The following ERP44 variants were observed in gnomAD, a reference collection of about 807,000 sequenced individuals.
ERP44 encodes endoplasmic reticulum protein 44.
Under a neutral mutation model 53.4 loss-of-function variants are expected in ERP44, and 25 were observed. That is an observed-to-expected ratio of 0.47 (90% CI 0.34 to 0.65). ERP44 has a LOEUF of 0.65. ERP44 is among the 30% of genes least tolerant of loss of function. ERP44 has a pLI of 0.01. For missense variants in ERP44, 338 were observed against 493.2 expected (o/e 0.69, Z 2.98); for synonymous variants, 145 against 161.2 (o/e 0.90, Z 0.76).
At chr9:100,087,424 A>T (rs972213015) in intron 1 of ERP44, among the ~76,000 whole-genome samples, 7 of 152,174 alleles carry the variant, frequency 4.6e-5, no homozygotes, top group Non-Finnish European at 8.8e-5. Context: ...TGGACAGACA[A>T]CTTGAAAGTT....
chr9:100,003,324 T>C (rs7020150), intron 10 of ERP44, among the ~76,000 whole-genome samples: 1 of 152,020 alleles, frequency 6.6e-6, no homozygotes, highest in African/African-American at 2.4e-5. Flanking sequence ...TCTGGGAGAT[T>C]ATTGTGCTCT....
intron 1 of ERP44, among the ~76,000 whole-genome samples, chr9:100,061,964 C>G (rs1826155409): frequency 6.6e-6 from 1 of 152,152 alleles, no homozygotes; most frequent in African/African-American, 2.4e-5. Flanking sequence ...CCTTCTCCTG[C>G]CCTTCTTCCC....
At chr9:100,058,249 T>C (rs1217593762) in intron 2 of ERP44, among the ~76,000 whole-genome samples, 1 of 152,122 alleles carries the variant, frequency 6.6e-6, no homozygotes, top group African/African-American at 2.4e-5. Flanking sequence ...CTAATTTTTG[T>C]ATTTTTTTGT....
At chr9:100,046,659 C>T (rs971631765) in intron 4 of ERP44, among the ~76,000 whole-genome samples, 7 of 152,210 alleles carry the variant, frequency 4.6e-5, no homozygotes, top group Middle Eastern at 3.4e-3. Context: ...TTCATGGATT[C>T]GAAGAATCAG....
chr9:100,098,019 A>G (rs1167650257), intron 1 of ERP44, among the ~76,000 whole-genome samples: 4 of 152,186 alleles, frequency 2.6e-5, no homozygotes. Context: ...TTTGACCTGA[A>G]GCCTGGATCA....
chr9:99,983,039 T>C (rs558817506), intron 11 of ERP44, among the ~76,000 whole-genome samples: 1 of 152,290 alleles, frequency 6.6e-6, no homozygotes, highest in South Asian at 2.1e-4. Flanking sequence ...AGCACAACCC[T>C]AGGTTGGCCC....
intron 10 of ERP44, among the ~76,000 whole-genome samples, chr9:100,006,105 A>G (rs1830422837): frequency 6.6e-6 from 1 of 152,234 alleles, no homozygotes. Flanking sequence ...GAAGTCACGA[A>G]TGAACAGCAA....
intron 3 of ERP44, among the ~76,000 whole-genome samples, chr9:100,054,340 G>A (rs1011094931): frequency 2.0e-5 from 3 of 152,194 alleles, no homozygotes; most frequent in Non-Finnish European, 4.4e-5. Flanking sequence ...GGGAGGCAAG[G>A]AGTAGGGGCT....
chr9:100,073,474 C>T (rs547119654), intron 1 of ERP44, among the ~76,000 whole-genome samples: 1 of 152,292 alleles, frequency 6.6e-6, no homozygotes, highest in South Asian at 2.1e-4. Flanking sequence ...GCATGCATTT[C>T]TCTACCTCCT....
intron 3 of ERP44, among the ~76,000 whole-genome samples, chr9:100,057,534 C>T (rs1057493536): frequency 9.2e-5 from 14 of 152,236 alleles, no homozygotes; most frequent in African/African-American, 2.6e-4. Context: ...AGGACAAATA[C>T]GGAATTGCAA....
chr9:100,065,014 C>T (rs900300789), intron 1 of ERP44, among the ~76,000 whole-genome samples: 23 of 151,984 alleles, frequency 1.5e-4, no homozygotes, highest in African/African-American at 5.3e-4. Context: ...TTTTAAAATA[C>T]GTTTAGTATT....
chr9:99,999,118 C>CACCTGAGGCACAGTGT, intron 10 of ERP44: 1 of 624,110 alleles, frequency 1.6e-6, no homozygotes, highest in Non-Finnish European at 2.9e-6. Context: ...GGACACGGCG[C>CACCTGAGGCACAGTGT]ACCTGAGGCA....
chr9:100,001,890 G>C (rs1158178563), intron 10 of ERP44, among the ~76,000 whole-genome samples: 1 of 151,898 alleles, frequency 6.6e-6, no homozygotes, highest in East Asian at 1.9e-4. Flanking sequence ...ATCCTTTGTT[G>C]CTTTCTTCCT....
At chr9:100,070,562 G>T (rs1017758153) in intron 1 of ERP44, among the ~76,000 whole-genome samples, 2 of 152,182 alleles carry the variant, frequency 1.3e-5, no homozygotes, top group African/African-American at 4.8e-5. Flanking sequence ...CAGAATGAAT[G>T]TATCCACACT....
chr9:99,998,198 T>G (rs1432980608), intron 10 of ERP44: 1 of 218,600 alleles, frequency 4.6e-6, no homozygotes, highest in Non-Finnish European at 9.4e-6. Flanking sequence ...AGCTTCCAGT[T>G]TCCTGGTAAG....
intron 10 of ERP44, among the ~76,000 whole-genome samples, chr9:99,991,381 T>C (rs767612739): frequency 1.3e-5 from 2 of 152,146 alleles, no homozygotes; most frequent in Non-Finnish European, 2.9e-5. Context: ...ACCACACAAC[T>C]AAATGGAAAC....
intron 4 of ERP44, among the ~76,000 whole-genome samples, chr9:100,041,374 A>G (rs552629724): frequency 6.6e-6 from 1 of 152,314 alleles, no homozygotes; most frequent in South Asian, 2.1e-4. Context: ...ATACTGGCAT[A>G]AAGAACAGAC....
At chr9:100,017,299 A>G (rs1174041147) in intron 7 of ERP44, among the ~76,000 whole-genome samples, 1 of 152,208 alleles carries the variant, frequency 6.6e-6, no homozygotes, top group African/African-American at 2.4e-5. Flanking sequence ...CGTTTTTACT[A>G]ATTAAGAAAC....
At chr9:100,027,050 G>C (rs1286145776) in intron 4 of ERP44, among the ~76,000 whole-genome samples, 1 of 152,194 alleles carries the variant, frequency 6.6e-6, no homozygotes. Context: ...AATAAGGTTA[G>C]AGACGGACTC....
Sources: gnomAD v4.1 joint callset for allele counts (sites outside exome capture counted in the v4.1 genomes callset) on GRCh38, gnomAD v4.1.1 for gene constraint, MANE v1.5 for transcripts, NCBI Gene and HGNC (gene_info 2026-07-23, HGNC 2026-07-21) for gene names.